The following PAPPA variants were observed in gnomAD, a reference collection of about 807,000 sequenced individuals.
PAPPA encodes pappalysin 1.
PAPPA carries 60 observed loss-of-function variants against 164.0 expected under a neutral mutation model. That is an observed-to-expected ratio of 0.37 (90% CI 0.30 to 0.45). The LOEUF is 0.45. Ranked by LOEUF, PAPPA falls within the 20% of genes least tolerant of loss-of-function variation. The probability of loss-of-function intolerance (pLI) is 1.00; values close to 1 mark genes in which losing one functional copy is unlikely to be tolerated. For missense variants in PAPPA, 1,782 were observed against 2,087.3 expected (o/e 0.85, Z 2.85); for synonymous variants, 875 against 814.1 (o/e 1.07, Z -1.27).
intron 9 of PAPPA, among the ~76,000 whole-genome samples, chr9:116,283,090 TCCTCCAGGCAGCAGCCATGGTGG>T (rs1845286863): frequency 6.6e-6 from 1 of 152,150 alleles, no homozygotes; most frequent in Admixed American, 6.6e-5. Context: ...CTTTTCTCTC[TCCTCCAGGCAGCAGCCATGGTGG>T]TCCTGCAATC....
intron 11 of PAPPA, among the ~76,000 whole-genome samples, 156 bp from the exon 12 acceptor site, chr9:116,332,177 A>G (rs1846001302): frequency 6.6e-6 from 1 of 152,164 alleles, no homozygotes; most frequent in African/African-American, 2.4e-5. Flanking sequence ...CTTCACTGTT[A>G]GGTTTCATTG....
Position 116,331,298 on chromosome 9 carries a change from T to C in PAPPA, c.3202T>C (p.Tyr1068His). The C allele has an allele frequency of 6.2e-7, 1 of 1,614,080 alleles. No individual in the cohort carries two copies. ...TGAAGGCATTTCCCAGCATGCCTGGTACCCTTGCACCATCAGCTACCCATA... is the reference window on the plus strand; with the variant it reads ...TGAAGGCATTTCCCAGCATGCCTGGCACCCTTGCACCATCAGCTACCCATA... ...LSEGISQHAWYPCTISYPYSQ... is the reference protein window; with the variant it reads ...LSEGISQHAWHPCTISYPYSQ... Residue 1068 changes from tyrosine (Y) to histidine (H), a missense_variant, in exon 11 of 22, where the codon TAC becomes CAC. This residue lies in a region of PAPPA where 1,324 missense variants were observed against 1,656.9 expected (regional missense o/e 0.80). Coordinates refer to ENST00000328252, the MANE Select transcript of PAPPA (RefSeq NM_002581.5).
chr9:116,296,569 A>G (rs1340390769), intron 9 of PAPPA, among the ~76,000 whole-genome samples: 1 of 152,188 alleles, frequency 6.6e-6, no homozygotes, highest in Admixed American at 6.5e-5. Flanking sequence ...GAAATCTAGG[A>G]ACTGTGATAA....
chr9:116,400,071 A>G lies in PAPPA; in HGVS notation c.*3455A>G, dbSNP rs1418759088. The G allele has an allele frequency of 1.3e-5, 2 of 152,620 alleles. No homozygotes were observed. The highest frequency in any genetic ancestry group is 2.9e-5 in the Non-Finnish European group (2 of 68,030). 9.5% of individuals were successfully genotyped at this position (152,620 alleles called of 1,614,324 possible). A position where few individuals can be genotyped will look rare whatever the true frequency, so the allele number is the denominator to read the frequency against. Reference sequence around the variant, plus strand: ...AAAGAGAAAGGAAATTATAAGGTCAAGTTAACAGTTTTGAGGTTTTGTGTT... The same window carrying G: ...AAAGAGAAAGGAAATTATAAGGTCAGGTTAACAGTTTTGAGGTTTTGTGTT... On this transcript the variant is annotated 3_prime_UTR_variant, in exon 22 of 22. Coordinates refer to ENST00000328252, the MANE Select transcript of PAPPA (RefSeq NM_002581.5).
At chr9:116,155,913 T>C (rs1025276977) in intron 1 of PAPPA, among the ~76,000 whole-genome samples, 4 of 151,694 alleles carry the variant, frequency 2.6e-5, no homozygotes, top group South Asian at 2.1e-4. Context: ...TTTTTTTTTT[T>C]CCTCCGGGAA....
chr9:116,211,806 G>A lies in PAPPA; in HGVS notation c.1792G>A (p.Asp598Asn), dbSNP rs1259966178. 5 of 1,614,124 alleles carry A rather than the reference G, an allele frequency of 3.1e-6. No individual in the cohort carries two copies. Among genetic ancestry groups the A allele is most frequent in the Non-Finnish European group, 4.2e-6 (5 of 1,180,012 alleles). Residue 598 changes from aspartate to asparagine, a missense_variant, in exon 4 of 22, where the codon GAC becomes AAC. Physicochemically the swap from Asp to Asn is conservative, Grantham distance 23. Transcript: ENST00000328252. ...GACAGAGCCCTCCTTCGAGACTGGA[G>A]ACCTCTGCAATGATACCAACCCAGC... ...METEPSFETGDLCNDTNPAPK... is the reference protein window; with the variant it reads ...METEPSFETGNLCNDTNPAPK...
chr9:116,194,117 A>G (rs1376341281), intron 2 of PAPPA, among the ~76,000 whole-genome samples: 1 of 152,202 alleles, frequency 6.6e-6, no homozygotes, highest in African/African-American at 2.4e-5. Flanking sequence ...TTTTCTTCAG[A>G]CTGTAGACAC....
chr9:116,326,604 C>T (rs1845923737), intron 10 of PAPPA, among the ~76,000 whole-genome samples: 1 of 152,140 alleles, frequency 6.6e-6, no homozygotes, highest in East Asian at 1.9e-4. Flanking sequence ...ACCGTGAGAT[C>T]TACCCTCTTA....
At chr9:116,277,457 A>G (rs957902707) in intron 9 of PAPPA, among the ~76,000 whole-genome samples, 1 of 152,118 alleles carries the variant, frequency 6.6e-6, no homozygotes, top group African/African-American at 2.4e-5. Flanking sequence ...ATTGTTAAGA[A>G]CACGGATTCT....
At chr9:116,227,695 C>T (rs890971250) in intron 6 of PAPPA, 143 bp downstream of exon 6, 7 of 850,122 alleles carry the variant, frequency 8.2e-6, no homozygotes, top group Non-Finnish European at 1.1e-5. Context: ...GGTTAGTAGT[C>T]AAGCGCTCAT....
At position 116,302,902 on chromosome 9, in the gene PAPPA, C is replaced by G. The variant is rs766058277; in HGVS notation, c.3099C>G (p.Asp1033Glu). ...WASNASVSHQ[D>E]QQCPGWVIIG... The stretch of plus-strand genomic sequence containing the variant: ...CCAATGCTTCAGTATCTCATCAAGA[C>G]CAGCAATGCCCAGGCTGGGTCATCA... Residue 1033 changes from aspartate (D) to glutamate (E), a missense_variant, in exon 10 of 22, where the codon GAC becomes GAG. Physicochemically the swap from Asp to Glu is conservative, Grantham distance 45. Around this residue, in one of 2 missense-constraint regions of PAPPA, gnomAD observed 1,324 missense variants for 1,656.9 expected, o/e 0.80. Transcript: ENST00000328252. 6.2e-7 allele frequency: 1 copy of G among 1,614,068 alleles called. No individual in the cohort carries two copies. The highest frequency in any genetic ancestry group is 8.5e-7 in the Non-Finnish European group (1 of 1,179,982).
At chr9:116,208,186 A>T (rs1844261478) in intron 3 of PAPPA, among the ~76,000 whole-genome samples, 1 of 152,250 alleles carries the variant, frequency 6.6e-6, no homozygotes, top group Non-Finnish European at 1.5e-5. Context: ...ACCAAAAGTT[A>T]GACATGACAA....
chr9:116,334,718 C>T (rs1341644589), intron 12 of PAPPA, 143 bp from the exon 13 acceptor site: 3 of 626,376 alleles, frequency 4.8e-6, no homozygotes, highest in Non-Finnish European at 8.5e-6. Context: ...CAATCAGACT[C>T]AAAATCCTCA....
intron 7 of PAPPA, among the ~76,000 whole-genome samples, chr9:116,248,260 C>T (rs1285586616): frequency 6.6e-6 from 1 of 152,188 alleles, no homozygotes; most frequent in Non-Finnish European, 1.5e-5. Context: ...AGAGAAAACA[C>T]ACCATGTGCT....
chr9:116,190,130 G>C (rs1272512676), intron 2 of PAPPA, among the ~76,000 whole-genome samples: 1 of 152,196 alleles, frequency 6.6e-6, no homozygotes, highest in Non-Finnish European at 1.5e-5. Flanking sequence ...GGGAAATAGA[G>C]GAAACTTAGA....
At chr9:116,181,573 A>C (rs1450409899) in intron 1 of PAPPA, among the ~76,000 whole-genome samples, 1 of 152,236 alleles carries the variant, frequency 6.6e-6, no homozygotes, top group Non-Finnish European at 1.5e-5. Context: ...TTACATCTTT[A>C]ATGTATGAAA....
chr9:116,394,986 A>AAAAT (rs1181553602), intron 21 of PAPPA, among the ~76,000 whole-genome samples: 1 of 152,194 alleles, frequency 6.6e-6, no homozygotes, highest in African/African-American at 2.4e-5. Context: ...ATAGACCAAA[A>AAAAT]AAATAAAGGA....
chr9:116,351,028 C>T (rs947625130), intron 15 of PAPPA, among the ~76,000 whole-genome samples: 6 of 152,128 alleles, frequency 3.9e-5, no homozygotes, highest in African/African-American at 9.7e-5. Context: ...AGTGGAGGAG[C>T]GTACATAAAA....
chr9:116,209,708 G>A (rs774720256), intron 3 of PAPPA, among the ~76,000 whole-genome samples: 3 of 152,162 alleles, frequency 2.0e-5, no homozygotes, highest in Non-Finnish European at 4.4e-5. Flanking sequence ...GGCTAGCCTA[G>A]ACATTAAGTC....
Sources: gnomAD v4.1 joint callset for allele counts (sites outside exome capture counted in the v4.1 genomes callset) on GRCh38, gnomAD v4.1.1 for gene constraint, gnomAD v4.1.1 regional missense constraint, MANE v1.5 for transcripts, NCBI Gene and HGNC (gene_info 2026-07-23, HGNC 2026-07-21) for gene names.